AGFG1: variants seen among roughly 807,000 people sequenced by gnomAD.
AGFG1 encodes arf-GAP domain and FG repeat-containing protein 1.
In AGFG1, 10 loss-of-function variants were observed where a neutral mutation model predicts 60.6. The ratio of observed to expected loss-of-function variants is 0.16; its 90% CI spans 0.10 to 0.28. AGFG1 has a LOEUF of 0.28. AGFG1 is among the 10% of genes least tolerant of loss of function. The probability of loss-of-function intolerance (pLI) is 1.00; values close to 1 mark genes in which losing one functional copy is unlikely to be tolerated. For missense variants in AGFG1, 537 were observed against 676.5 expected (o/e 0.79, Z 2.29); for synonymous variants, 247 against 242.9 (o/e 1.02, Z -0.16).
At chr2:227,509,475 T>C (rs1691430906) in intron 2 of AGFG1, among the ~76,000 whole-genome samples, 1 of 152,162 alleles carries the variant, frequency 6.6e-6, no homozygotes, top group Non-Finnish European at 1.5e-5. Context: ...GATCAGATAA[T>C]ATAAAATATT....
chr2:227,484,912 G>T (rs1245738176), intron 1 of AGFG1, among the ~76,000 whole-genome samples: 1 of 151,896 alleles, frequency 6.6e-6, no homozygotes, highest in Non-Finnish European at 1.5e-5. Flanking sequence ...GTTTCACCAT[G>T]TTAGCCAGGC....
intron 3 of AGFG1, 135 bp downstream of exon 3, chr2:227,520,198 G>T: frequency 1.9e-6 from 1 of 522,142 alleles, no homozygotes; most frequent in Non-Finnish European, 3.3e-6. Flanking sequence ...TTATCCCTTG[G>T]CTTTTTGTTG....
intron 1 of AGFG1, among the ~76,000 whole-genome samples, chr2:227,484,390 T>C (rs1211671087): frequency 6.6e-6 from 1 of 152,136 alleles, no homozygotes; most frequent in Non-Finnish European, 1.5e-5. Flanking sequence ...TTTAACCATG[T>C]TGGCCAGGCT....
intron 6 of AGFG1, 100 bp downstream of exon 6, chr2:227,531,310 A>T: frequency 7.4e-7 from 1 of 1,347,000 alleles, no homozygotes; most frequent in Non-Finnish European, 1.0e-6. Context: ...TTCTGTAATT[A>T]TCTGACTTTA....
chr2:227,514,920 G>GTATT (rs796130938), intron 2 of AGFG1, among the ~76,000 whole-genome samples: 12 of 152,074 alleles, frequency 7.9e-5, no homozygotes, highest in East Asian at 3.9e-4. Context: ...CCCTCATTCA[G>GTATT]TATTTATTTA....
chr2:227,472,609 C>T (rs1404326777), intron 1 of AGFG1, 21 bp downstream of exon 1: 1 of 1,528,474 alleles, frequency 6.5e-7, no homozygotes, highest in Non-Finnish European at 8.8e-7. Context: ...GGCGGCCGGG[C>T]GGGTGTCGGG....
chr2:227,494,424 G>T (rs545937250), intron 2 of AGFG1, among the ~76,000 whole-genome samples: 1 of 152,232 alleles, frequency 6.6e-6, no homozygotes, highest in South Asian at 2.1e-4. Flanking sequence ...GGATTAAAAA[G>T]GCTCTATCAT....
chr2:227,542,709 G>A (rs1422252026), intron 10 of AGFG1, among the ~76,000 whole-genome samples: 1 of 152,138 alleles, frequency 6.6e-6, no homozygotes, highest in African/African-American at 2.4e-5. Context: ...TTTTTCTATT[G>A]ATTGGAAGTT....
At position 227,559,126 on chromosome 2, in the gene AGFG1, A is replaced by T. The variant is rs1693061490; in HGVS notation, c.*4631A>T. 1 of 152,236 alleles carries T rather than the reference A, an allele frequency of 6.6e-6. No homozygotes were observed. The highest frequency in any genetic ancestry group is 2.4e-5 in the African/African-American group (1 of 41,472). The allele number at this position is 152,236 out of a possible 1,614,324, so 9.4% of individuals were successfully genotyped here. On this transcript the variant is annotated 3_prime_UTR_variant, in exon 13 of 13. Transcript: ENST00000310078. ...TATTGTGCTCTTATAGGGGTTGCAC[A>T]TTCAAGGCTTACACTGAATTCTGTC... is the stretch of plus-strand genomic sequence containing the variant.
At chr2:227,514,641 TAC>T (rs749983958) in intron 2 of AGFG1, among the ~76,000 whole-genome samples, 3 of 152,216 alleles carry the variant, frequency 2.0e-5, no homozygotes, top group Non-Finnish European at 4.4e-5. Flanking sequence ...AATAGCAGCA[TAC>T]AGAGTTGGAA....
chr2:227,551,330 G>A (rs1692813561), intron 10 of AGFG1, among the ~76,000 whole-genome samples: 1 of 152,140 alleles, frequency 6.6e-6, no homozygotes, highest in Non-Finnish European at 1.5e-5. Flanking sequence ...TCGTGTGTGT[G>A]TGTGTGTATG....
intron 1 of AGFG1, among the ~76,000 whole-genome samples, chr2:227,487,388 G>GT (rs1223267874): frequency 8.7e-4 from 126 of 144,268 alleles, no homozygotes; most frequent in East Asian, 7.2e-3. Flanking sequence ...TGGTTTGTCT[G>GT]TTTTTTTTTT....
At chr2:227,495,345 G>A (rs1224604009) in intron 2 of AGFG1, among the ~76,000 whole-genome samples, 1 of 151,638 alleles carries the variant, frequency 6.6e-6, no homozygotes, top group Admixed American at 6.6e-5. Context: ...CCAGGAATTC[G>A]AGATCAACCT....
chr2:227,507,060 C>A (rs545735642), intron 2 of AGFG1, among the ~76,000 whole-genome samples: 5 of 152,268 alleles, frequency 3.3e-5, no homozygotes, highest in Admixed American at 6.5e-5. Flanking sequence ...TCAGTGCCTA[C>A]ATCCACTAAT....
At chr2:227,486,938 G>A (rs974511905) in intron 1 of AGFG1, among the ~76,000 whole-genome samples, 1 of 152,170 alleles carries the variant, frequency 6.6e-6, no homozygotes. Context: ...ATCGTACAAT[G>A]CATAGGACAC....
intron 2 of AGFG1, among the ~76,000 whole-genome samples, chr2:227,497,753 T>C (rs2106177885): frequency 7.4e-6 from 1 of 135,454 alleles, no homozygotes; most frequent in East Asian, 2.1e-4. Context: ...TTTTTTTTTT[T>C]TTTTTTTTGG....
At chr2:227,509,894 A>G (rs1691445653) in intron 2 of AGFG1, among the ~76,000 whole-genome samples, 1 of 152,198 alleles carries the variant, frequency 6.6e-6, no homozygotes, top group Admixed American at 6.5e-5. Flanking sequence ...AGAAGTCACA[A>G]AGTAAAAACT....
intron 2 of AGFG1, among the ~76,000 whole-genome samples, chr2:227,506,479 T>G (rs986762183): frequency 6.6e-6 from 1 of 150,936 alleles, no homozygotes; most frequent in Non-Finnish European, 1.5e-5. Context: ...CTTGTCTTCT[T>G]GTACTTTAAG....
chr2:227,514,775 T>C (rs1172264613), intron 2 of AGFG1, among the ~76,000 whole-genome samples: 1 of 152,204 alleles, frequency 6.6e-6, no homozygotes, highest in Non-Finnish European at 1.5e-5. Context: ...ACCAATTCCA[T>C]TGTTGCATAT....
Sources: allele counts gnomAD v4.1 joint callset (sites outside exome capture counted in the v4.1 genomes callset), GRCh38; gene constraint gnomAD v4.1.1; transcripts MANE v1.5; gene names NCBI Gene and HGNC (gene_info 2026-07-23, HGNC 2026-07-21).